Variants in CYYR1 observed in about 807,000 individuals in gnomAD.
CYYR1 encodes cysteine and tyrosine rich 1, also known as cysteine and tyrosine-rich protein 1.
Under a neutral mutation model 15.2 loss-of-function variants are expected in CYYR1, and 14 were observed. The observed-to-expected ratio is 0.92, with a 90% confidence interval of 0.61 to 1.44. The LOEUF (loss-of-function observed/expected upper bound fraction) is 1.44, where lower values mean the gene tolerates loss of function less well. Among genes scored for constraint, CYYR1 ranks in the 40% most tolerant of loss-of-function variants. The pLI is 0.00. For synonymous variants in CYYR1, 80 were observed against 77.4 expected (o/e 1.03, Z -0.18); for missense variants, 228 against 209.5 (o/e 1.09, Z -0.54).
intron 2 of CYYR1, among the ~76,000 whole-genome samples, chr21:26,488,552 G>A (rs538946082): frequency 2.0e-5 from 3 of 152,122 alleles, no homozygotes; most frequent in Middle Eastern, 3.4e-3. Context: ...CATGCCTGGC[G>A]AGTACTACAT....
chr21:26,521,168 A>G (rs1272178916), intron 2 of CYYR1, among the ~76,000 whole-genome samples: 1 of 152,230 alleles, frequency 6.6e-6, no homozygotes, highest in African/African-American at 2.4e-5. Flanking sequence ...AAACCTGCAC[A>G]TCCTGCACAT....
chr21:26,538,921 G>A lies in CYYR1; in HGVS notation c.176+27345C>T, dbSNP rs954859399. ...TTAAATTTGTGATATAGTCATATGT[G>A]CTTTTAATTAATGCACCACCTAATA... is the stretch of plus-strand genomic sequence containing the variant. On this transcript the variant is annotated intron_variant, in intron 2 of 3. Coordinates refer to ENST00000652641, the MANE Select transcript of CYYR1 (RefSeq NM_001320768.2). Among the ~76,000 whole-genome samples the A allele has an allele frequency of 5.9e-5, 9 of 152,192 alleles. No homozygotes were observed. In the South Asian group the frequency reaches 8.3e-4, roughly 14 times the overall value.
At chr21:26,563,902 A>C (rs1980419939) in intron 2 of CYYR1, among the ~76,000 whole-genome samples, 1 of 152,210 alleles carries the variant, frequency 6.6e-6, no homozygotes, top group Non-Finnish European at 1.5e-5. Context: ...AAACAAACAA[A>C]AACATAAACC....
At chr21:26,568,267 A>AC in intron 1 of CYYR1, 1 of 152,182 alleles carries the variant, frequency 6.6e-6, no homozygotes, top group Non-Finnish European at 1.5e-5. Context: ...CCAAGGGCTT[A>AC]GTGGGGATGT....
At chr21:26,538,419 T>G (rs1258871171) in intron 2 of CYYR1, among the ~76,000 whole-genome samples, 1 of 152,224 alleles carries the variant, frequency 6.6e-6, no homozygotes, top group Non-Finnish European at 1.5e-5. Flanking sequence ...CTCCTTATTC[T>G]TTGTTCTTCT....
At chr21:26,476,958 C>T (rs1265505199) in intron 3 of CYYR1, among the ~76,000 whole-genome samples, 1 of 152,054 alleles carries the variant, frequency 6.6e-6, no homozygotes, top group African/African-American at 2.4e-5. Context: ...TTAAAGAGGA[C>T]GTCTGTTCAT....
rs375241540 is a variant in CYYR1 at position 26,564,494 on chromosome 21, G to A, written c.176+1772C>T. ...CCTAATAACCTAGATACATGTATCAGCTCAACCAATTCTTCACTTAACCAG... is the reference window on the plus strand; with the variant it reads ...CCTAATAACCTAGATACATGTATCAACTCAACCAATTCTTCACTTAACCAG... On this transcript the variant is annotated intron_variant, in intron 2 of 3. Transcript: ENST00000652641. 1.2e-4 allele frequency among the ~76,000 whole-genome samples: 19 copies of A among 152,230 alleles called. No homozygotes were observed. In the South Asian group the frequency reaches 3.9e-3, roughly 32 times the overall value.
At chr21:26,496,267 G>A (rs1044847352) in intron 2 of CYYR1, among the ~76,000 whole-genome samples, 1 of 152,092 alleles carries the variant, frequency 6.6e-6, no homozygotes, top group African/African-American at 2.4e-5. Flanking sequence ...CTGCTTAAGA[G>A]CTTTGTCTCA....
intron 2 of CYYR1, among the ~76,000 whole-genome samples, chr21:26,534,835 G>C (rs1321419733): frequency 6.6e-6 from 1 of 152,096 alleles, no homozygotes; most frequent in African/African-American, 2.4e-5. Context: ...GTCTGAGTAT[G>C]CTATTTGTTT....
chr21:26,572,906 AC>A lies in CYYR1; in HGVS notation c.34del (p.Val12SerfsTer59). ...DAPRLPVRPG[V>X]LLPKLVLLFV... is the part of the protein sequence containing the mutation. The stretch of plus-strand genomic sequence containing the variant: ...GAGCAGGACCAACTTCGGAAGCAAG[AC>A]CCCTGGACGCACGGGTAGCCTCGGA... On this transcript the variant is annotated frameshift_variant, in exon 1 of 4. Transcript: ENST00000652641. LOFTEE classifies it high-confidence loss of function. 6.2e-7 allele frequency: 1 copy of A among 1,613,974 alleles called. No individual in the cohort carries two copies. Among genetic ancestry groups the A allele is most frequent in the Non-Finnish European group, 8.5e-7 (1 of 1,179,976 alleles).
At chr21:26,572,216 A>G (rs1981050883) in intron 1 of CYYR1, among the ~76,000 whole-genome samples, 1 of 152,230 alleles carries the variant, frequency 6.6e-6, no homozygotes, top group Admixed American at 6.5e-5. Flanking sequence ...AACCAATGAA[A>G]GGCCATTTGG....
At chr21:26,515,138 G>A (rs1406341166) in intron 2 of CYYR1, among the ~76,000 whole-genome samples, 1 of 152,150 alleles carries the variant, frequency 6.6e-6, no homozygotes, top group East Asian at 1.9e-4. Flanking sequence ...GGCACGTTAA[G>A]TAATCTAAGA....
In CYYR1 at chr21:26,466,303, AACTTTC is replaced by A. The variant is rs202066403; in HGVS notation, c.*2192_*2197del. 79 of 152,348 alleles carry A rather than the reference AACTTTC, an allele frequency of 5.2e-4. No individual in the cohort carries two copies. The East Asian group carries it at 0.014, about 28-fold the overall frequency. The allele number at this position is 152,348 out of a possible 1,614,324, so 9.4% of individuals were successfully genotyped here. A position where few individuals can be genotyped will look rare whatever the true frequency, so the allele number is the denominator to read the frequency against. On this transcript the variant is annotated 3_prime_UTR_variant, in exon 4 of 4. Transcript: ENST00000652641. ...TAGTTTTTAAATAACCGTAATTCAA[AACTTTC>A]ACATCCTATACTATTTTTCCCCAAG...
At chr21:26,482,358 A>C in intron 2 of CYYR1, 3 of 985,298 alleles carry the variant, frequency 3.0e-6, no homozygotes, top group Non-Finnish European at 3.6e-6. Flanking sequence ...TCTTTCCCAC[A>C]TTATCAGTAG....
At chr21:26,477,763 C>T (rs2065123204) in intron 3 of CYYR1, 2 of 984,988 alleles carry the variant, frequency 2.0e-6, no homozygotes, top group African/African-American at 1.7e-5. Context: ...AATGTCTTTG[C>T]TTGACTTTCT....
At chr21:26,531,064 C>T (rs222939) in intron 2 of CYYR1, among the ~76,000 whole-genome samples, 54,920 of 151,968 alleles carry the variant, frequency 0.36, 11,096 homozygotes, top group African/African-American at 0.55. Context: ...GCAGCAGGCA[C>T]GCATAAGTGT....
At chr21:26,485,275 C>T (rs2065235207) in intron 2 of CYYR1, among the ~76,000 whole-genome samples, 1 of 151,872 alleles carries the variant, frequency 6.6e-6, no homozygotes. Flanking sequence ...ACCCAGTTTC[C>T]CCAGATGGTT....
At chr21:26,503,884 G>A (rs182454272) in intron 2 of CYYR1, among the ~76,000 whole-genome samples, 4 of 152,254 alleles carry the variant, frequency 2.6e-5, no homozygotes, top group East Asian at 1.9e-4. Context: ...CATGGAAGAC[G>A]CTGTCGAGTC....
chr21:26,570,666 T>C (rs1197724081), intron 1 of CYYR1, among the ~76,000 whole-genome samples: 1 of 152,230 alleles, frequency 6.6e-6, no homozygotes, highest in Non-Finnish European at 1.5e-5. Context: ...ATAATTTAGA[T>C]TATGAGCAGT....
Sources: gnomAD v4.1 joint callset for allele counts (sites outside exome capture counted in the v4.1 genomes callset) on GRCh38, gnomAD v4.1.1 for gene constraint, MANE v1.5 for transcripts, NCBI Gene and HGNC (gene_info 2026-07-23, HGNC 2026-07-21) for gene names.